The following CHM variants were observed in gnomAD, a reference collection of about 807,000 sequenced individuals.
CHM encodes the protein CHM Rab escort protein.
Under a neutral mutation model 49.0 loss-of-function variants are expected in CHM, and 10 were observed. The observed-to-expected ratio is 0.20, with a 90% CI of 0.13 to 0.35. CHM has a LOEUF of 0.35. Among genes scored for constraint, CHM ranks in the 10% least tolerant of loss-of-function variants. The pLI is 1.00. For synonymous variants in CHM, 184 were observed against 167.5 expected, an observed-to-expected ratio of 1.10 and a Z score of -0.76; for missense variants, 455 against 478.4, an observed-to-expected ratio of 0.95 and a Z score of 0.46.
At chrX:85,912,292 G>A (rs767808634) in intron 8 of CHM, among the ~76,000 whole-genome samples, 6 of 111,163 alleles carry the variant, frequency 5.4e-5, no homozygotes, top group South Asian at 3.8e-4. Flanking sequence ...GCTTTCTGGT[G>A]GAATAAGACT....
intron 8 of CHM, among the ~76,000 whole-genome samples, chrX:85,943,622 A>C (rs1929249760): frequency 8.9e-6 from 1 of 112,351 alleles, no homozygotes; most frequent in African/African-American, 3.2e-5. Context: ...ATAATGAGAA[A>C]ATAATTAAGT....
chrX:85,994,542 T>C (rs1160890014), intron 2 of CHM, among the ~76,000 whole-genome samples: 2 of 112,067 alleles, frequency 1.8e-5, no homozygotes, highest in Non-Finnish European at 3.8e-5. Context: ...AGAATATTCA[T>C]GGTTCCTTAA....
chrX:85,913,328 AAAAAAAAGAAAGAAAGAAAG>A (rs1927190540), intron 8 of CHM, among the ~76,000 whole-genome samples: 1 of 21,646 alleles, frequency 4.6e-5, no homozygotes, highest in African/African-American at 1.3e-4. Context: ...AAAAAAAAAA[AAAAAAAAGAAAGAAAGAAAG>A]AAAGAAAGAA....
At chrX:86,017,371 C>T (rs746266824) in intron 2 of CHM, among the ~76,000 whole-genome samples, 159 of 111,790 alleles carry the variant, frequency 1.4e-3, no homozygotes, top group Non-Finnish European at 2.7e-3. Context: ...CAAATCTCAT[C>T]TTGAATTGTA....
chrX:85,954,898 A>AG (rs1484941200), intron 8 of CHM, among the ~76,000 whole-genome samples: 1 of 109,300 alleles, frequency 9.1e-6, no homozygotes, highest in African/African-American at 3.3e-5. Flanking sequence ...TCTCCCAAAA[A>AG]AAAAAAAACA....
At chrX:85,888,815 T>C (rs979447836) in intron 12 of CHM, among the ~76,000 whole-genome samples, 1 of 112,055 alleles carries the variant, frequency 8.9e-6, no homozygotes, top group Non-Finnish European at 1.9e-5. Flanking sequence ...ACTGAAAAAA[T>C]TGAGGTCTCA....
chrX:85,958,216 C>T (rs1319523562), intron 6 of CHM, among the ~76,000 whole-genome samples: 1 of 112,136 alleles, frequency 8.9e-6, no homozygotes, highest in African/African-American at 3.2e-5. Flanking sequence ...GGCATGTCAT[C>T]CTAACAGAGA....
chrX:86,000,928 T>C (rs944205162), intron 2 of CHM, among the ~76,000 whole-genome samples: 4 of 111,699 alleles, frequency 3.6e-5, no homozygotes, highest in Non-Finnish European at 7.5e-5. Flanking sequence ...TGGTATTTGA[T>C]AGCATAGTAG....
At chrX:85,896,153 G>A (rs200906717) in intron 11 of CHM, among the ~76,000 whole-genome samples, 121 of 86,341 alleles carry the variant, frequency 1.4e-3, no homozygotes, top group East Asian at 1.5e-3. Flanking sequence ...AAAAAAAAAA[G>A]AAAAAAAAAA....
intron 2 of CHM, among the ~76,000 whole-genome samples, chrX:86,007,431 G>A (rs764590284): frequency 2.7e-5 from 3 of 111,654 alleles, no homozygotes; most frequent in African/African-American, 9.8e-5. Context: ...AAACTAAAGA[G>A]CTTCTGCACA....
intron 3 of CHM, among the ~76,000 whole-genome samples, chrX:85,981,517 A>G (rs1467466194): frequency 9.0e-6 from 1 of 111,345 alleles, no homozygotes; most frequent in African/African-American, 3.3e-5. Flanking sequence ...TACAGGCATG[A>G]GCCATCGCAC....
intron 2 of CHM, among the ~76,000 whole-genome samples, chrX:86,025,997 A>ATTTTAC (rs1473371611): frequency 9.2e-6 from 1 of 109,002 alleles, no homozygotes; most frequent in Non-Finnish European, 1.9e-5. Context: ...AGAAGCAAGA[A>ATTTTAC]TTTTACTTTT....
chrX:85,917,323 C>A (rs149762989), intron 8 of CHM, among the ~76,000 whole-genome samples: 2,394 of 110,725 alleles, frequency 0.022, 68 homozygotes, highest in African/African-American at 0.075. Flanking sequence ...GGGAGAGGAT[C>A]AGGAAAAATA....
At chrX:86,003,525 A>G (rs774917258) in intron 2 of CHM, among the ~76,000 whole-genome samples, 15 of 112,089 alleles carry the variant, frequency 1.3e-4, no homozygotes, top group African/African-American at 4.9e-4. Flanking sequence ...AACAGGTTAG[A>G]TGAATGGCTA....
intron 8 of CHM, among the ~76,000 whole-genome samples, chrX:85,945,219 A>C (rs1479399752): frequency 3.6e-5 from 4 of 110,348 alleles, no homozygotes; most frequent in African/African-American, 1.3e-4. Context: ...AACAATATGT[A>C]CACCAAAGCC....
chrX:85,925,679 A>C (rs945270784), intron 8 of CHM, among the ~76,000 whole-genome samples: 1 of 111,422 alleles, frequency 9.0e-6, no homozygotes, highest in Admixed American at 9.6e-5. Flanking sequence ...CCTTATTTAA[A>C]TCATTGTTCC....
chrX:86,035,857 G>A (rs1422933456), intron 1 of CHM, among the ~76,000 whole-genome samples: 2 of 98,820 alleles, frequency 2.0e-5, no homozygotes, highest in East Asian at 3.2e-4. Flanking sequence ...GCAGTAGCGC[G>A]ATCTCGGCTC....
intron 8 of CHM, among the ~76,000 whole-genome samples, chrX:85,934,346 T>C (rs1197313209): frequency 1.0e-5 from 1 of 96,954 alleles, no homozygotes; most frequent in African/African-American, 3.8e-5. Flanking sequence ...TACATATGTA[T>C]ACATGTGCCA....
intron 4 of CHM, among the ~76,000 whole-genome samples, chrX:85,967,719 A>C (rs1451211582): frequency 8.9e-6 from 1 of 111,945 alleles, no homozygotes; most frequent in African/African-American, 3.2e-5. Context: ...GTCATTTATA[A>C]TGTAACAATA....
Sources: allele counts gnomAD v4.1 joint callset (sites outside exome capture counted in the v4.1 genomes callset), GRCh38; gene constraint gnomAD v4.1.1; transcripts MANE v1.5; gene names NCBI Gene and HGNC (gene_info 2026-07-23, HGNC 2026-07-21).